Variants in ARID3A observed in about 807,000 individuals in gnomAD.
ARID3A encodes AT-rich interaction domain 3A.
A neutral mutation model predicts 52.7 loss-of-function variants in ARID3A; 11 were observed. That is an observed-to-expected ratio of 0.21 (90% CI 0.13 to 0.35). The LOEUF is 0.35. Ranked by LOEUF, ARID3A falls within the 10% of genes least tolerant of loss-of-function variation. The pLI is 1.00. For missense variants in ARID3A, 721 were observed against 838.5 expected, an observed-to-expected ratio of 0.86 and a Z score of 1.73; for synonymous variants, 404 against 359.4, an observed-to-expected ratio of 1.12 and a Z score of -1.40.
Position 965,098 on chromosome 19 carries a change from G to T in ARID3A, c.1198+18G>T. The T allele has an allele frequency of 6.3e-7, 1 of 1,585,042 alleles. No homozygotes were observed. On this transcript the variant is annotated intron_variant, in intron 6 of 8. Transcript: ENST00000263620. ...CAAGAAAGGTAAGGGCCTGTATGGG[G>T]CCTGGGGCGTGTTCCCAACTGAGCT...
chr19:939,667 G>A (rs538244194), intron 3 of ARID3A, among the ~76,000 whole-genome samples: 23 of 152,066 alleles, frequency 1.5e-4, no homozygotes, highest in Admixed American at 3.9e-4. Flanking sequence ...TCTTGGGTGC[G>A]TTCGCGTCGT....
chr19:961,290 C>T (rs1224490334), intron 4 of ARID3A, among the ~76,000 whole-genome samples: 4 of 152,184 alleles, frequency 2.6e-5, no homozygotes, highest in African/African-American at 7.2e-5. Flanking sequence ...CACTGCCAGC[C>T]GCCCGGAAGG....
At chr19:962,496 A>ACCCTCTGC (rs1568370706) in intron 4 of ARID3A, among the ~76,000 whole-genome samples, 5 of 142,530 alleles carry the variant, frequency 3.5e-5, no homozygotes, top group Non-Finnish European at 7.6e-5. Flanking sequence ...CTGGGAACCA[A>ACCCTCTGC]CCCTCTGCTG....
intron 4 of ARID3A, among the ~76,000 whole-genome samples, chr19:963,118 G>A (rs984883001): frequency 9.2e-5 from 14 of 152,150 alleles, no homozygotes; most frequent in African/African-American, 2.4e-5. Flanking sequence ...AGCAGGCCTC[G>A]ACCAGGCAGA....
In ARID3A at chr19:960,267, G is replaced by A. The variant is rs1200701196; in HGVS notation, c.766+103G>A. 1 of 987,760 alleles carries A rather than the reference G, an allele frequency of 1.0e-6. No individual in the cohort carries two copies. Among genetic ancestry groups the A allele is most frequent in the Admixed American group, 2.8e-5 (1 of 36,306 alleles). 61.2% of individuals were successfully genotyped at this position (987,760 alleles called of 1,614,324 possible). On this transcript the variant is annotated intron_variant, in intron 4 of 8. Transcript: ENST00000263620. The surrounding 1 kb of genome is among the most constrained non-coding windows in gnomAD (Gnocchi z 4.3). ...ATGTCGGGGCGGTGGTGAGCACCCC[G>A]TGGCTGGAGGCATCCAAGGCTCCTA...
At chr19:956,869 T>G (rs2037928926) in intron 3 of ARID3A, among the ~76,000 whole-genome samples, 1 of 152,168 alleles carries the variant, frequency 6.6e-6, no homozygotes, top group Non-Finnish European at 1.5e-5. Flanking sequence ...GCACCTGGGA[T>G]GTCCCCGCAG....
rs1377850795 is a variant in ARID3A at position 940,466 on chromosome 19, C to G, written c.693+7724C>G. 2.0e-5 allele frequency among the ~76,000 whole-genome samples: 3 copies of G among 152,026 alleles called. No individual in the cohort carries two copies. In the South Asian group the frequency reaches 6.3e-4, roughly 32 times the overall value. On this transcript the variant is annotated intron_variant, in intron 3 of 8. Transcript: ENST00000263620. ...AGGGTTTGGAGCTGGGAGAAGGAGG[C>G]TGGGAGGACCCTTCTGGAGCCTGTT...
At chr19:956,788 G>T (rs2145431275) in intron 3 of ARID3A, 1 of 152,608 alleles carries the variant, frequency 6.6e-6, no homozygotes, top group South Asian at 2.1e-4. Context: ...CCAATACACA[G>T]ACGGGGAAAC....
Position 966,557 on chromosome 19 carries a change from T to G in ARID3A, c.1199-15T>G. The G allele has an allele frequency of 6.6e-7, 1 of 1,509,818 alleles. No homozygotes were observed. Among genetic ancestry groups the G allele is most frequent in the African/African-American group, 1.4e-5 (1 of 71,662 alleles). 93.5% of individuals were successfully genotyped at this position (1,509,818 alleles called of 1,614,324 possible). On this transcript the variant is annotated splice_polypyrimidine_tract_variant and intron_variant, in intron 6 of 8. Transcript: ENST00000263620. ...AGCCCCTCCTGGCCACCAATTCCCCTTTTTTCCTACCTAGAGGAGGACTCA... is the reference window on the plus strand; with the variant it reads ...AGCCCCTCCTGGCCACCAATTCCCCGTTTTTCCTACCTAGAGGAGGACTCA...
Position 974,969 on chromosome 19 carries a change from G to C in ARID3A, c.*2904G>C, listed in dbSNP as rs1348583969. On this transcript the variant is annotated 3_prime_UTR_variant, in exon 9 of 9. Transcript: ENST00000263620. ...GTGGAAATGGGAGGCGGTTGCAGAG[G>C]GTCTATGGGGCCCGGTCCTGGATAC... The C allele has an allele frequency of 1.3e-5, 3 of 232,308 alleles. No homozygotes were observed. The highest frequency in any genetic ancestry group is 2.6e-5 in the Non-Finnish European group (3 of 117,532). The allele number at this position is 232,308 out of a possible 1,614,324, so 14.4% of individuals were successfully genotyped here. A position where few individuals can be genotyped will look rare whatever the true frequency, so the allele number is the denominator to read the frequency against.
intron 1 of ARID3A, chr19:928,712 T>A (rs1042118305): frequency 6.6e-6 from 1 of 152,232 alleles, no homozygotes; most frequent in African/African-American, 2.4e-5. Flanking sequence ...GGGGGTACTG[T>A]TACCCACACT....
At chr19:933,308 G>C (rs1480863176) in intron 3 of ARID3A, among the ~76,000 whole-genome samples, 4 of 152,174 alleles carry the variant, frequency 2.6e-5, no homozygotes, top group Admixed American at 6.5e-5. Context: ...GGGGGTCTCA[G>C]GGACCCCAGG....
At position 968,398 on chromosome 19, in the gene ARID3A, C is replaced by G. The variant is rs945987593; in HGVS notation, c.1496-7C>G. On this transcript the variant is annotated splice_polypyrimidine_tract_variant and splice_region_variant and intron_variant, in intron 7 of 8. Transcript: ENST00000263620. Reference sequence around the variant, plus strand: ...AAAAAGAAACTAATTTGTTCTTCTTCCCACAGCCTCCGAAAGCCGCCAGGA... The same window carrying G: ...AAAAAGAAACTAATTTGTTCTTCTTGCCACAGCCTCCGAAAGCCGCCAGGA... The G allele has an allele frequency of 1.2e-6, 2 of 1,607,738 alleles. No homozygotes were observed. The highest frequency in any genetic ancestry group is 1.7e-6 in the Non-Finnish European group (2 of 1,177,350).
intron 3 of ARID3A, among the ~76,000 whole-genome samples, chr19:955,195 C>T (rs1261966497): frequency 6.6e-6 from 1 of 152,206 alleles, no homozygotes; most frequent in Non-Finnish European, 1.5e-5. Flanking sequence ...CCGCCATGGG[C>T]AGCCTGGACA....
At position 960,592 on chromosome 19, in the gene ARID3A, G is replaced by A. The variant is rs1388541973; in HGVS notation, c.766+428G>A. On this transcript the variant is annotated intron_variant, in intron 4 of 8. Coordinates refer to ENST00000263620, the MANE Select transcript of ARID3A (RefSeq NM_005224.3). The surrounding 1 kb of genome is among the most constrained non-coding windows in gnomAD (Gnocchi z 4.3). ...GCGGCAGGACAGAAGCCCCCCGCCC[G>A]GCCGCGAGATGGCTTAGAGTCTAAT... Among the ~76,000 whole-genome samples the A allele has an allele frequency of 1.3e-5, 2 of 152,004 alleles. No individual in the cohort carries two copies. The highest frequency in any genetic ancestry group is 2.4e-5 in the African/African-American group (1 of 41,346).
chr19:930,926 C>T (rs879672663), intron 2 of ARID3A, among the ~76,000 whole-genome samples: 4 of 152,208 alleles, frequency 2.6e-5, no homozygotes, highest in Non-Finnish European at 5.9e-5. Context: ...TGTGGGTCCC[C>T]CCAGGGCTGG....
chr19:945,175 G>A (rs2037651337), intron 3 of ARID3A, among the ~76,000 whole-genome samples: 1 of 152,208 alleles, frequency 6.6e-6, no homozygotes, highest in African/African-American at 2.4e-5. Flanking sequence ...GAGAGAGCCT[G>A]GGCACACCAA....
At chr19:940,092 A>G (rs2037515471) in intron 3 of ARID3A, among the ~76,000 whole-genome samples, 1 of 151,860 alleles carries the variant, frequency 6.6e-6, no homozygotes, top group Admixed American at 6.6e-5. Flanking sequence ...AGGAAGGGGC[A>G]TTGGGGCTGG....
chr19:955,733 C>T (rs998208037), intron 3 of ARID3A, among the ~76,000 whole-genome samples: 4 of 152,156 alleles, frequency 2.6e-5, no homozygotes, highest in Non-Finnish European at 2.9e-5. Flanking sequence ...CAGGGTAGAC[C>T]CCGTAATACC....
Sources: allele counts gnomAD v4.1 joint callset (sites outside exome capture counted in the v4.1 genomes callset), GRCh38; gene constraint gnomAD v4.1.1; non-coding constraint Gnocchi (gnomAD v3.1); transcripts MANE v1.5; gene names NCBI Gene and HGNC (gene_info 2026-07-23, HGNC 2026-07-21).